The following NMI variants were observed in gnomAD, a reference collection of about 807,000 sequenced individuals.
NMI encodes the protein N-myc-interactor.
A neutral mutation model predicts 34.3 loss-of-function variants in NMI; 39 were observed. The ratio of observed to expected loss-of-function variants is 1.14; its 90% confidence interval spans 0.88 to 1.49. The LOEUF is 1.49. Ranked by LOEUF, NMI falls within the 40% of genes most tolerant of loss-of-function variation. The pLI, the probability that NMI is intolerant of heterozygous loss-of-function variation, is 0.00. For synonymous variants in NMI, 113 were observed against 120.3 expected, an observed-to-expected ratio of 0.94 and a Z score of 0.40; for missense variants, 339 against 358.1, an observed-to-expected ratio of 0.95 and a Z score of 0.43.
chr2:151,280,195 C>CAAA (rs10645520), intron 3 of NMI, among the ~76,000 whole-genome samples: 47 of 136,416 alleles, frequency 3.4e-4, no homozygotes, highest in Non-Finnish European at 4.8e-4. Flanking sequence ...AACTCTGTTT[C>CAAA]AAAAAAAAAA....
intron 3 of NMI, among the ~76,000 whole-genome samples, chr2:151,280,668 G>A (rs1413199410): frequency 6.6e-6 from 1 of 152,134 alleles, no homozygotes; most frequent in Non-Finnish European, 1.5e-5. Flanking sequence ...AGGGCTGGCC[G>A]GTTTCTAAAG....
intron 1 of NMI, 105 bp from the exon 2 acceptor site, chr2:151,283,059 T>G: frequency 4.0e-6 from 2 of 505,486 alleles, no homozygotes; most frequent in Non-Finnish European, 6.7e-6. Flanking sequence ...ATCTCTTCTT[T>G]GCTATATCTT....
chr2:151,276,880 C>T (rs1042921354), intron 4 of NMI, among the ~76,000 whole-genome samples: 6 of 152,182 alleles, frequency 3.9e-5, no homozygotes, highest in African/African-American at 1.2e-4. Flanking sequence ...GATCACAAAG[C>T]TGTCAAGTCT....
At chr2:151,287,502 G>C (rs1363100933) in intron 1 of NMI, among the ~76,000 whole-genome samples, 1 of 152,036 alleles carries the variant, frequency 6.6e-6, no homozygotes, top group Non-Finnish European at 1.5e-5. Flanking sequence ...TGAACACTTG[G>C]ATAGTTCCTT....
intron 1 of NMI, 74 bp from the exon 2 acceptor site, chr2:151,283,028 T>C: frequency 1.4e-6 from 1 of 708,184 alleles, no homozygotes; most frequent in East Asian, 3.3e-5. Context: ...ATAAGAACTT[T>C]TACCCTTTTA....
chr2:151,281,374 A>G (rs893142255), intron 3 of NMI, among the ~76,000 whole-genome samples: 5 of 152,234 alleles, frequency 3.3e-5, no homozygotes, highest in African/African-American at 4.8e-5. Flanking sequence ...GCTAATGACC[A>G]TCTTTTTTTG....
chr2:151,274,265 C>T (rs1471273683), intron 6 of NMI, among the ~76,000 whole-genome samples: 1 of 135,200 alleles, frequency 7.4e-6, no homozygotes, highest in African/African-American at 2.8e-5. Context: ...ATTGCTTGAA[C>T]CCGGGAAGCG....
intron 3 of NMI, among the ~76,000 whole-genome samples, chr2:151,280,240 C>A (rs1377111077): frequency 2.0e-5 from 3 of 150,096 alleles, no homozygotes; most frequent in Non-Finnish European, 3.0e-5. Context: ...GGTGGTTATA[C>A]TTAGCTGCTT....
intron 1 of NMI, among the ~76,000 whole-genome samples, chr2:151,286,152 AG>A (rs1474228599): frequency 6.6e-6 from 1 of 152,262 alleles, no homozygotes; most frequent in Non-Finnish European, 1.5e-5. Context: ...AGATAATCAA[AG>A]TAAATAATGG....
At chr2:151,272,068 G>C (rs1273032530) in intron 6 of NMI, among the ~76,000 whole-genome samples, 1 of 152,138 alleles carries the variant, frequency 6.6e-6, no homozygotes, top group East Asian at 1.9e-4. Context: ...CATCTAACAA[G>C]ACTGGACTGT....
chr2:151,270,659 T>A lies in NMI; in HGVS notation c.*34A>T. 8 of 1,528,752 alleles carry A rather than the reference T, an allele frequency of 5.2e-6. No homozygotes were observed. Among genetic ancestry groups the A allele is most frequent in the Non-Finnish European group, 6.2e-6 (7 of 1,124,686 alleles). The allele number at this position is 1,528,752 out of a possible 1,614,324, so 94.7% of individuals were successfully genotyped here. A position where few individuals can be genotyped will look rare whatever the true frequency, so the allele number is the denominator to read the frequency against. ...TGTCAAACATTTACAGTAATCCGGG[T>A]TAAAAAGCTATAGTTTTCATGATTC... On this transcript the variant is annotated 3_prime_UTR_variant, in exon 8 of 8. Coordinates refer to ENST00000243346, the MANE Select transcript of NMI (RefSeq NM_004688.3).
At chr2:151,273,999 T>C (rs1290139861) in intron 6 of NMI, among the ~76,000 whole-genome samples, 2 of 152,092 alleles carry the variant, frequency 1.3e-5, no homozygotes, top group Admixed American at 6.5e-5. Context: ...TAGCTCTCCC[T>C]GACACATCCC....
intron 2 of NMI, 38 bp from the exon 3 acceptor site, chr2:151,282,081 C>A: frequency 2.2e-6 from 2 of 892,536 alleles, no homozygotes. Flanking sequence ...AAGTAAATAG[C>A]CCCTGAACTC....
At chr2:151,274,227 C>T (rs2105202905) in intron 6 of NMI, among the ~76,000 whole-genome samples, 1 of 150,110 alleles carries the variant, frequency 6.7e-6, no homozygotes, top group East Asian at 2.1e-4. Context: ...CTTGTAATTC[C>T]AGCTACTCGG....
At chr2:151,274,267 C>T (rs1404464701) in intron 6 of NMI, among the ~76,000 whole-genome samples, 2 of 131,678 alleles carry the variant, frequency 1.5e-5, no homozygotes, top group South Asian at 2.6e-4. Context: ...TGCTTGAACC[C>T]GGGAAGCGGA....
chr2:151,272,530 A>T (rs964688516), intron 6 of NMI, among the ~76,000 whole-genome samples: 1 of 152,332 alleles, frequency 6.6e-6, no homozygotes, highest in South Asian at 2.1e-4. Context: ...TCCCCAAAAT[A>T]TTAAAATAGA....
intron 7 of NMI, 117 bp downstream of exon 7, chr2:151,271,509 C>A: frequency 4.4e-6 from 3 of 688,314 alleles, no homozygotes; most frequent in South Asian, 3.4e-5. Context: ...GTAAAGAAAC[C>A]ATTTTGCTAT....
chr2:151,278,598 C>G (rs1558875966), intron 4 of NMI: 1 of 462,384 alleles, frequency 2.2e-6, no homozygotes, highest in East Asian at 4.1e-5. Flanking sequence ...CATCATAGCA[C>G]CTGGATTAAG....
chr2:151,275,187 T>C (rs1304893552), intron 6 of NMI, among the ~76,000 whole-genome samples: 2 of 152,060 alleles, frequency 1.3e-5, no homozygotes, highest in African/African-American at 4.8e-5. Flanking sequence ...TTCGCCATGT[T>C]GGACAGGCTG....
Sources: gnomAD v4.1 joint callset for allele counts (sites outside exome capture counted in the v4.1 genomes callset) on GRCh38, gnomAD v4.1.1 for gene constraint, MANE v1.5 for transcripts, NCBI Gene and HGNC (gene_info 2026-07-23, HGNC 2026-07-21) for gene names.